Variants in ZNF678 observed in about 807,000 individuals in gnomAD.
The protein encoded by ZNF678 is hypothetical protein MGC42493.
A neutral mutation model predicts 3.0 loss-of-function variants in ZNF678; 5 were observed. That is an observed-to-expected ratio of 1.69 (90% CI 0.88 to 3.56). The LOEUF is 3.56. Among genes scored for constraint, ZNF678 ranks in the 30% most tolerant of loss-of-function variants. The pLI, the probability that ZNF678 is intolerant of heterozygous loss-of-function variation, is 0.00. For missense variants in ZNF678, 593 were observed against 605.0 expected (o/e 0.98, Z 0.21); for synonymous variants, 218 against 199.6 (o/e 1.09, Z -0.78).
At chr1:227,666,896 C>T (rs1420220487), downstream of ZNF678, among the ~76,000 whole-genome samples, 2 of 151,738 alleles carry the variant, frequency 1.3e-5, no homozygotes, top group Non-Finnish European at 2.9e-5. Context: ...GGGCATGCGC[C>T]ACCACAGCCG....
At chr1:227,622,061 G>T (rs1658293977) in intron 1 of ZNF678, among the ~76,000 whole-genome samples, 1 of 152,228 alleles carries the variant, frequency 6.6e-6, no homozygotes, top group Middle Eastern at 3.2e-3. Context: ...TCTTGTGGAA[G>T]AAATTTGCAT....
intron 3 of ZNF678, among the ~76,000 whole-genome samples, chr1:227,652,507 G>T (rs572978363): frequency 6.6e-6 from 1 of 152,136 alleles, no homozygotes; most frequent in East Asian, 1.9e-4. Flanking sequence ...TTGGATTCTT[G>T]TAGCCATTGC....
chr1:227,582,328 T>G (rs970772084), intron 1 of ZNF678, among the ~76,000 whole-genome samples: 5 of 152,062 alleles, frequency 3.3e-5, no homozygotes, highest in Non-Finnish European at 7.4e-5. Context: ...TATATATGTG[T>G]GTATGAGATA....
intron 1 of ZNF678, among the ~76,000 whole-genome samples, chr1:227,614,948 A>G (rs922140532): frequency 6.6e-6 from 1 of 152,218 alleles, no homozygotes; most frequent in Non-Finnish European, 1.5e-5. Context: ...AAAAGTTAAC[A>G]GCGTTTAATT....
intron 5 of ZNF678, among the ~76,000 whole-genome samples, chr1:227,674,012 C>T (rs1260195175): frequency 6.6e-6 from 1 of 152,014 alleles, no homozygotes; most frequent in Non-Finnish European, 1.5e-5. Flanking sequence ...AAGACCAGAA[C>T]TTAAGAAATG....
intron 1 of ZNF678, among the ~76,000 whole-genome samples, chr1:227,612,819 C>T (rs866142742): frequency 6.6e-6 from 1 of 152,184 alleles, no homozygotes; most frequent in African/African-American, 2.4e-5. Context: ...AAGAGCACGC[C>T]TCACCAAATA....
At chr1:227,639,358 T>C (rs1359204641) in intron 1 of ZNF678, among the ~76,000 whole-genome samples, 1 of 152,214 alleles carries the variant, frequency 6.6e-6, no homozygotes, top group Non-Finnish European at 1.5e-5. Context: ...CCTTTTACTT[T>C]CCCCATCACG....
At chr1:227,598,993 C>T in intron 1 of ZNF678, 1 of 1,273,484 alleles carries the variant, frequency 7.9e-7, no homozygotes, top group African/African-American at 1.5e-5. Context: ...ACCTTGGAGC[C>T]TTTCTTTTCT....
At chr1:227,624,315 A>G (rs183462422) in intron 1 of ZNF678, among the ~76,000 whole-genome samples, 120 of 152,342 alleles carry the variant, frequency 7.9e-4, no homozygotes, top group African/African-American at 2.7e-3. Context: ...ATCCCTCCAC[A>G]AAGACCCCAA....
In ZNF678 at chr1:227,624,791, G is replaced by A. The variant is rs1229891533; in HGVS notation, c.-163-21753G>A. Among the ~76,000 whole-genome samples the A allele has an allele frequency of 2.0e-5, 3 of 152,322 alleles. No homozygotes were observed. The East Asian group carries it at 5.8e-4, about 29-fold the overall frequency. On this transcript the variant is annotated intron_variant, in intron 1 of 3. Transcript: ENST00000343776. ...GTGAGCCTCTAGCCTGATTGGGAGC[G>A]GCAGTGGGCACCTCGCTGGATCAGA...
intron 1 of ZNF678, among the ~76,000 whole-genome samples, chr1:227,595,175 C>G (rs1185697582): frequency 6.7e-6 from 1 of 148,908 alleles, no homozygotes; most frequent in Non-Finnish European, 1.5e-5. Flanking sequence ...TTCTTAGCTA[C>G]TTGTATATAT....
rs183147792 is a variant in ZNF678, at chr1:227,635,601, C to T, written c.-163-10943C>T. On this transcript the variant is annotated intron_variant, in intron 1 of 3. Coordinates refer to ENST00000343776, the MANE Select transcript of ZNF678 (RefSeq NM_001367909.1). ...GTTTTAATGAGCACCTGAGTGCCGG[C>T]AGGCTGAGGCCTAAAATGGCGTCAG... is the stretch of plus-strand genomic sequence containing the variant. 8.0e-4 allele frequency among the ~76,000 whole-genome samples: 119 copies of T among 149,286 alleles called. 1 individual carries two copies. Among genetic ancestry groups the T allele is most frequent in the African/African-American group, 2.7e-3 (107 of 40,356 alleles).
At chr1:227,577,645 G>C (rs1657019480) in intron 1 of ZNF678, among the ~76,000 whole-genome samples, 1 of 151,882 alleles carries the variant, frequency 6.6e-6, no homozygotes, top group Non-Finnish European at 1.5e-5. Context: ...GTGTGAGATG[G>C]GTCTCTTGAA....
intron 1 of ZNF678, among the ~76,000 whole-genome samples, chr1:227,566,773 A>C (rs1461119899): frequency 6.6e-6 from 1 of 152,252 alleles, no homozygotes; most frequent in Non-Finnish European, 1.5e-5. Context: ...TAGGAAAAAA[A>C]TATGTAGTCA....
chr1:227,612,212 T>G (rs1658037981), intron 1 of ZNF678, among the ~76,000 whole-genome samples: 1 of 152,142 alleles, frequency 6.6e-6, no homozygotes, highest in Admixed American at 6.5e-5. Flanking sequence ...AAAGGACCAC[T>G]CAGTATGCAG....
rs141312637 is a variant in ZNF678 at position 227,643,402 on chromosome 1, G to A, written c.-163-3142G>A. Among the ~76,000 whole-genome samples, 26 of 152,264 alleles carry A rather than the reference G, an allele frequency of 1.7e-4. No individual in the cohort carries two copies. In the East Asian group the frequency reaches 4.8e-3, roughly 28 times the overall value. On this transcript the variant is annotated intron_variant, in intron 1 of 3. Transcript: ENST00000343776. ...TCTCATGGGCAGCCTTAGGAAAGAC[G>A]TAACTGAAAATAAGCCAGTGGTATA...
chr1:227,619,183 A>G (rs989794865), intron 1 of ZNF678, among the ~76,000 whole-genome samples: 1 of 152,212 alleles, frequency 6.6e-6, no homozygotes, highest in Admixed American at 6.5e-5. Context: ...GCCAAACCAT[A>G]TCATCACCCA....
At chr1:227,599,289 G>A (rs993476700) in intron 1 of ZNF678, among the ~76,000 whole-genome samples, 24 of 152,136 alleles carry the variant, frequency 1.6e-4, no homozygotes, top group African/African-American at 4.8e-4. Context: ...AGTACCACGC[G>A]GTTGTCCCAC....
At chr1:227,567,098 A>G (rs992498196) in intron 1 of ZNF678, among the ~76,000 whole-genome samples, 1 of 152,344 alleles carries the variant, frequency 6.6e-6, no homozygotes, top group Non-Finnish European at 1.5e-5. Flanking sequence ...ATCCAAATTC[A>G]ATGCTAAGTT....
Sources: allele counts gnomAD v4.1 joint callset (sites outside exome capture counted in the v4.1 genomes callset), GRCh38; gene constraint gnomAD v4.1.1; transcripts MANE v1.5; gene names NCBI Gene and HGNC (gene_info 2026-07-23, HGNC 2026-07-21).